SOX6: variants seen among roughly 807,000 people sequenced by gnomAD.
SOX6 encodes SRY-box transcription factor 6.
SOX6 carries 11 observed loss-of-function variants against 97.8 expected under a neutral mutation model. The observed-to-expected ratio is 0.11, with a 90% CI of 0.07 to 0.19. The LOEUF (loss-of-function observed/expected upper bound fraction) is 0.19, where lower values mean the gene tolerates loss of function less well. Among genes scored for constraint, SOX6 ranks in the 10% least tolerant of loss-of-function variants. SOX6 has a pLI of 1.00. For missense variants in SOX6, 810 were observed against 1,039.5 expected, an observed-to-expected ratio of 0.78 and a Z score of 3.04; for synonymous variants, 360 against 371.4, an observed-to-expected ratio of 0.97 and a Z score of 0.35.
At chr11:16,584,566 A>G (rs1015824712) in intron 4 of SOX6, among the ~76,000 whole-genome samples, 2 of 152,134 alleles carry the variant, frequency 1.3e-5, no homozygotes. Flanking sequence ...CACTAGGAAA[A>G]CAGTATGGAA....
At chr11:16,088,520 G>T (rs1389801176) in intron 9 of SOX6, among the ~76,000 whole-genome samples, 1 of 151,938 alleles carries the variant, frequency 6.6e-6, no homozygotes, top group Non-Finnish European at 1.5e-5. Flanking sequence ...CCATAGTTGC[G>T]CCCTTTCCAG....
At chr11:16,120,192 T>C (rs1016431500) in intron 6 of SOX6, among the ~76,000 whole-genome samples, 2 of 135,616 alleles carry the variant, frequency 1.5e-5, no homozygotes, top group Non-Finnish European at 3.1e-5. Flanking sequence ...TCTCTCTCTC[T>C]CTCACTCCCC....
chr11:16,271,982 A>G (rs1292894936), intron 3 of SOX6, among the ~76,000 whole-genome samples: 2 of 151,216 alleles, frequency 1.3e-5, no homozygotes, highest in Non-Finnish European at 3.0e-5. Context: ...TATTAATAAA[A>G]TAGAATTTTC....
At chr11:16,535,326 A>C (rs1245486505) in intron 4 of SOX6, among the ~76,000 whole-genome samples, 2 of 152,228 alleles carry the variant, frequency 1.3e-5, no homozygotes, top group African/African-American at 4.8e-5. Context: ...CCTATGCCCC[A>C]AAAATCAAAT....
chr11:16,687,299 A>G (rs556482743), intron 3 of SOX6, among the ~76,000 whole-genome samples: 1 of 152,188 alleles, frequency 6.6e-6, no homozygotes, highest in South Asian at 2.1e-4. Context: ...CGCATCTCAC[A>G]TGGGAGAACA....
intron 4 of SOX6, among the ~76,000 whole-genome samples, chr11:16,574,510 G>A (rs958976171): frequency 2.6e-5 from 4 of 152,076 alleles, no homozygotes; most frequent in Non-Finnish European, 4.4e-5. Context: ...TCAATTGAAA[G>A]TCACTGGAGA....
chr11:15,996,657 T>C (rs1320739479), intron 13 of SOX6, among the ~76,000 whole-genome samples: 1 of 151,616 alleles, frequency 6.6e-6, no homozygotes, highest in Non-Finnish European at 1.5e-5. Context: ...CAAAGAAGTA[T>C]AGCTAAAAAT....
intron 4 of SOX6, among the ~76,000 whole-genome samples, chr11:16,521,614 G>A (rs979598672): frequency 7.9e-5 from 12 of 152,280 alleles, no homozygotes; most frequent in East Asian, 3.9e-4. Flanking sequence ...CACCAGCAAC[G>A]GAACAAAGCT....
chr11:16,449,207 GTT>G (rs1385517828), intron 1 of SOX6, among the ~76,000 whole-genome samples: 1 of 150,798 alleles, frequency 6.6e-6, no homozygotes, highest in African/African-American at 2.4e-5. Context: ...TGTGAGGCAT[GTT>G]GAACGAGCAG....
chr11:16,209,464 A>C (rs922834719), intron 4 of SOX6, among the ~76,000 whole-genome samples: 1 of 152,152 alleles, frequency 6.6e-6, no homozygotes, highest in Non-Finnish European at 1.5e-5. Flanking sequence ...GATCCTCAAA[A>C]ATATTTCTGG....
intron 3 of SOX6, among the ~76,000 whole-genome samples, chr11:16,284,755 G>A (rs1469684152): frequency 2.0e-5 from 3 of 152,130 alleles, no homozygotes; most frequent in East Asian, 1.9e-4. Context: ...CTACCCCTAC[G>A]TCCATACCAA....
chr11:16,245,249 T>C (rs1405675221), intron 3 of SOX6, among the ~76,000 whole-genome samples: 2 of 151,756 alleles, frequency 1.3e-5, no homozygotes, highest in Non-Finnish European at 3.0e-5. Flanking sequence ...TTTAAAAATG[T>C]TTCATATTGT....
chr11:16,497,871 G>C (rs1281557982), intron 4 of SOX6, among the ~76,000 whole-genome samples: 1 of 152,166 alleles, frequency 6.6e-6, no homozygotes, highest in Admixed American at 6.5e-5. Context: ...GGGGAGAAGG[G>C]AACCAAGTTG....
At chr11:16,283,179 A>G (rs541162902) in intron 3 of SOX6, among the ~76,000 whole-genome samples, 1 of 147,874 alleles carries the variant, frequency 6.8e-6, no homozygotes, top group Non-Finnish European at 1.5e-5. Flanking sequence ...CACCCAGTTC[A>G]TATCAATTGA....
rs772225326 is a variant in SOX6 at position 15,986,287 on chromosome 11, A to G, written c.2100T>C (p.Val700=). 1 of 1,614,134 alleles carries G rather than the reference A, an allele frequency of 6.2e-7. No individual in the cohort carries two copies. Among genetic ancestry groups the G allele is most frequent in the Non-Finnish European group, 8.5e-7 (1 of 1,180,018 alleles). Residue 700 remains valine, a synonymous_variant, in exon 15 of 16, where the codon GTT becomes GTC. Transcript: ENST00000683767. The part of the protein sequence containing the change: ...YKPRPKRTCI[V]DGKKLRIGEY... ...CCCCAATCCGAAGCTTTTTGCCATC[A>G]ACAATGCAGGTGCGTTTCGGTCGGG...
At chr11:16,181,957 C>A (rs560339953) in intron 6 of SOX6, among the ~76,000 whole-genome samples, 1 of 151,878 alleles carries the variant, frequency 6.6e-6, no homozygotes, top group South Asian at 2.1e-4. Context: ...AATCAAACTT[C>A]TATTAGAAAA....
intron 1 of SOX6, among the ~76,000 whole-genome samples, chr11:16,355,377 G>GA (rs1254802678): frequency 1.3e-5 from 2 of 151,958 alleles, no homozygotes; most frequent in Admixed American, 1.3e-4. Context: ...GGAGTAAATT[G>GA]AAAAGCATTG....
At chr11:16,347,112 C>T (rs569804774) in intron 1 of SOX6, among the ~76,000 whole-genome samples, 5 of 152,166 alleles carry the variant, frequency 3.3e-5, no homozygotes, top group African/African-American at 9.6e-5. Flanking sequence ...TGTTACATCA[C>T]GTAACTACCT....
chr11:16,226,474 C>T (rs2351958), intron 4 of SOX6, among the ~76,000 whole-genome samples: 5 of 151,752 alleles, frequency 3.3e-5, no homozygotes, highest in Admixed American at 3.3e-4. Context: ...AGGAAATGCC[C>T]GACACAGCAC....
Sources: gnomAD v4.1 joint callset for allele counts (sites outside exome capture counted in the v4.1 genomes callset) on GRCh38, gnomAD v4.1.1 for gene constraint, MANE v1.5 for transcripts, NCBI Gene and HGNC (gene_info 2026-07-23, HGNC 2026-07-21) for gene names.